TENT5D: variants seen among roughly 807,000 people sequenced by gnomAD.
TENT5D encodes cancer/testis antigen 112.
For missense variants in TENT5D, 191 were observed against 287.0 expected (o/e 0.67, Z 2.42); for synonymous variants, 103 against 100.6 (o/e 1.02, Z -0.15).
chrX:80,367,370 A>T (rs1930531336), intron 3 of TENT5D, among the ~76,000 whole-genome samples: 1 of 111,676 alleles, frequency 9.0e-6, no homozygotes, highest in African/African-American at 3.3e-5. Context: ...TGTAGAGAAA[A>T]GGGAACATTC....
chrX:80,376,158 T>G (rs1930722565), intron 3 of TENT5D, among the ~76,000 whole-genome samples: 1 of 110,842 alleles, frequency 9.0e-6, no homozygotes, highest in African/African-American at 3.3e-5. Context: ...TATGGCCCAA[T>G]TGTTTATTCC....
chrX:80,342,269 C>T (rs908361637), intron 2 of TENT5D, among the ~76,000 whole-genome samples: 2 of 111,484 alleles, frequency 1.8e-5, no homozygotes, highest in African/African-American at 6.5e-5. Flanking sequence ...TTAAGATGTT[C>T]ACTTTCACTA....
chrX:80,442,696 G>A, exon 3 of TENT5D: 1 of 1,211,118 alleles, frequency 8.3e-7, no homozygotes, highest in Non-Finnish European at 1.1e-6. Context: ...TCAACTCATA[G>A]GGCAAGGAAT....
chrX:80,357,039 G>T (rs1420510826), intron 3 of TENT5D, among the ~76,000 whole-genome samples: 2 of 111,324 alleles, frequency 1.8e-5, no homozygotes, highest in East Asian at 5.7e-4. Flanking sequence ...GAGATAGTTT[G>T]CTGAGAATGA....
At chrX:80,365,246 G>A (rs137972373) in intron 3 of TENT5D, among the ~76,000 whole-genome samples, 337 of 111,289 alleles carry the variant, frequency 3.0e-3, no homozygotes, top group Non-Finnish European at 5.8e-3. Flanking sequence ...TTAAAATTTT[G>A]TGAGATCAGG....
At chrX:80,381,824 C>A (rs1435058673) in intron 3 of TENT5D, among the ~76,000 whole-genome samples, 1 of 111,630 alleles carries the variant, frequency 9.0e-6, no homozygotes, top group Non-Finnish European at 1.9e-5. Flanking sequence ...CATTTAAGGT[C>A]TTCTCTACAC....
At chrX:80,389,167 C>T (rs1931080778) in intron 3 of TENT5D, among the ~76,000 whole-genome samples, 1 of 111,814 alleles carries the variant, frequency 8.9e-6, no homozygotes, top group Non-Finnish European at 1.9e-5. Context: ...CTCTTCAGTG[C>T]CTGTCTCAGT....
intron 1 of TENT5D, among the ~76,000 whole-genome samples, chrX:80,422,621 T>G (rs1189969226): frequency 9.0e-6 from 1 of 111,141 alleles, no homozygotes; most frequent in Non-Finnish European, 1.9e-5. Context: ...CAGCAGTTGG[T>G]GAGGTAAGTT....
chrX:80,343,176 A>C (rs188843783), intron 3 of TENT5D, among the ~76,000 whole-genome samples: 6 of 111,311 alleles, frequency 5.4e-5, no homozygotes, highest in Middle Eastern at 4.6e-3. Flanking sequence ...TAATGCTCAG[A>C]TATTACATGT....
At chrX:80,371,908 C>T (rs1221179407) in intron 3 of TENT5D, among the ~76,000 whole-genome samples, 1 of 111,430 alleles carries the variant, frequency 9.0e-6, no homozygotes, top group African/African-American at 3.3e-5. Flanking sequence ...TTTTAATGTC[C>T]TTTAATAGCT....
rs72029455 is a variant in TENT5D, at chrX:80,392,495, C to CTTTTTTTTTTTTTTTTTTTTTTTTTT, written c.-141-46108_-141-46083dup. Among the ~76,000 whole-genome samples, 2 of 24,289 alleles carry CTTTTTTTTTTTTTTTTTTTTTTTTTT rather than the reference C, an allele frequency of 8.2e-5. 1 individual carries two copies. Among genetic ancestry groups the CTTTTTTTTTTTTTTTTTTTTTTTTTT allele is most frequent in the African/African-American group, 4.0e-4 (2 of 5,001 alleles). 21.1% of individuals were successfully genotyped at this position (24,289 alleles called of 115,157 possible). A position where few individuals can be genotyped will look rare whatever the true frequency, so the allele number is the denominator to read the frequency against. On this transcript the variant is annotated intron_variant, in intron 3 of 4. Coordinates refer to the TENT5D transcript ENST00000538312. The stretch of plus-strand genomic sequence containing the variant: ...TTTATAGCTTTATTCTCATTTTATT[C>CTTTTTTTTTTTTTTTTTTTTTTTTTT]TTTTTTTTTTTTTTTTTTTTTTTTT...
At chrX:80,419,958 T>C (rs1432783543), upstream of TENT5D, among the ~76,000 whole-genome samples, 1 of 111,930 alleles carries the variant, frequency 8.9e-6, no homozygotes, top group Non-Finnish European at 1.9e-5. Context: ...CAAGTAATCC[T>C]CCAGCCTCAG....
chrX:80,407,113 A>G (rs1395178792), intron 3 of TENT5D, among the ~76,000 whole-genome samples: 1 of 109,206 alleles, frequency 9.2e-6, no homozygotes, highest in Non-Finnish European at 1.9e-5. Context: ...CTAAACATGG[A>G]ATGGAACAAC....
intron 3 of TENT5D, among the ~76,000 whole-genome samples, chrX:80,392,443 T>C (rs926914644): frequency 1.1e-4 from 12 of 107,847 alleles, no homozygotes; most frequent in African/African-American, 4.1e-4. Flanking sequence ...ATTTCTGTGA[T>C]CTTACTTGGT....
chrX:80,414,486 G>A (rs1931729076), intron 3 of TENT5D, among the ~76,000 whole-genome samples: 1 of 111,996 alleles, frequency 8.9e-6, no homozygotes, highest in Non-Finnish European at 1.9e-5. Flanking sequence ...AGGAAGTCCT[G>A]AGACATCTGC....
intron 3 of TENT5D, among the ~76,000 whole-genome samples, chrX:80,407,571 C>T (rs1305809865): frequency 9.4e-6 from 1 of 106,908 alleles, no homozygotes; most frequent in Non-Finnish European, 1.9e-5. Flanking sequence ...TATATATGCA[C>T]CCAATACAGG....
chrX:80,410,007 T>G (rs1315920189), intron 3 of TENT5D, among the ~76,000 whole-genome samples: 1 of 108,199 alleles, frequency 9.2e-6, no homozygotes, highest in African/African-American at 3.4e-5. Context: ...ATTCCCTATT[T>G]AATAAATGGT....
intron 2 of TENT5D, among the ~76,000 whole-genome samples, chrX:80,342,063 G>T (rs1280444074): frequency 9.0e-6 from 1 of 110,652 alleles, no homozygotes; most frequent in Non-Finnish European, 1.9e-5. Context: ...GATATATAGA[G>T]AAAAAATACA....
chrX:80,409,898 G>A (rs1602213185), intron 3 of TENT5D, among the ~76,000 whole-genome samples: 1 of 106,522 alleles, frequency 9.4e-6, no homozygotes, highest in African/African-American at 3.4e-5. Context: ...CCAAAACAGA[G>A]ATATAGATCA....
Sources: gnomAD v4.1 joint callset for allele counts (sites outside exome capture counted in the v4.1 genomes callset) on GRCh38, gnomAD v4.1.1 for gene constraint, MANE v1.5 for transcripts, NCBI Gene and HGNC (gene_info 2026-07-23, HGNC 2026-07-21) for gene names.